The following DNAH7 variants were observed in gnomAD, a reference collection of about 807,000 sequenced individuals.
DNAH7 encodes the protein dynein axonemal heavy chain 7, also known as axonemal beta dynein heavy chain 7.
A neutral mutation model predicts 444.6 loss-of-function variants in DNAH7; 397 were observed. The ratio of observed to expected loss-of-function variants is 0.89; its 90% CI spans 0.82 to 0.97. DNAH7 has a LOEUF of 0.97. DNAH7 is among the 50% of genes least tolerant of loss of function. DNAH7 has a pLI of 0.00. For missense variants in DNAH7, 4,902 were observed against 4,800.8 expected (o/e 1.02, Z -0.62); for synonymous variants, 1,636 against 1,624.4 (o/e 1.01, Z -0.17).
At chr2:195,957,662 T>C (rs1324822010) in intron 18 of DNAH7, among the ~76,000 whole-genome samples, 1 of 151,414 alleles carries the variant, frequency 6.6e-6, no homozygotes, top group Non-Finnish European at 1.5e-5. Context: ...TTATATACAA[T>C]CTTGTATATA....
intron 63 of DNAH7, among the ~76,000 whole-genome samples, chr2:195,743,917 A>T (rs1392619119): frequency 6.6e-6 from 1 of 152,240 alleles, no homozygotes; most frequent in Non-Finnish European, 1.5e-5. Context: ...TCCAGTCTAC[A>T]GCTCCCAGCA....
In DNAH7 at chr2:195,848,590, C is replaced by A. The variant is rs562240442; in HGVS notation, c.8782-3425G>T. Reference sequence around the variant, plus strand: ...ACACTCAGATAAATGAAAGGCAGAACTCTGTTAGTTATAGCTCCAAATGGA... The same window carrying A: ...ACACTCAGATAAATGAAAGGCAGAAATCTGTTAGTTATAGCTCCAAATGGA... On this transcript the variant is annotated intron_variant, in intron 46 of 64. Coordinates refer to ENST00000312428, the MANE Select transcript of DNAH7 (RefSeq NM_018897.3). Among the ~76,000 whole-genome samples the A allele has an allele frequency of 3.9e-5, 6 of 152,346 alleles. No homozygotes were observed. In the South Asian group the frequency reaches 6.2e-4, roughly 16 times the overall value.
rs771038430 is a variant in DNAH7, at chr2:195,834,186, TTA to T, written c.9100+18_9100+19del. On this transcript the variant is annotated intron_variant, in intron 48 of 64. Transcript: ENST00000312428. ...TCTCCAGGCAGTTCTGTAATGTATC[TTA>T]GTTATTCAACTACATACCAGGAGTA... 1.9e-6 allele frequency: 3 copies of T among 1,595,054 alleles called. No homozygotes were observed. In the East Asian group the frequency reaches 6.8e-5, roughly 36 times the overall value.
intron 24 of DNAH7, among the ~76,000 whole-genome samples, chr2:195,919,784 G>A (rs1687913766): frequency 6.6e-6 from 1 of 152,236 alleles, no homozygotes; most frequent in South Asian, 2.1e-4. Context: ...AGATGACTGG[G>A]TTGATAAATA....
chr2:195,897,676 TG>T lies in DNAH7; in HGVS notation c.4637del (p.Pro1546HisfsTer14). The T allele has an allele frequency of 1.3e-6, 2 of 1,571,156 alleles. No individual in the cohort carries two copies. The highest frequency in any genetic ancestry group is 1.7e-6 in the Non-Finnish European group (2 of 1,148,856). On this transcript the variant is annotated frameshift_variant, in exon 29 of 65. Transcript: ENST00000312428. LOFTEE classifies it high-confidence loss of function. ...TAATGAATGTTCTTACCTCAAAGAG[TG>T]GTAAATCATGGGATAAAAATTTTGG... is the stretch of plus-strand genomic sequence containing the variant. Reference protein sequence around the residue: ...NLPKFLSHDLPLFEGITSDLF... With the variant: ...NLPKFLSHDLXLFEGITSDLF...
chr2:196,059,525 A>G (rs991790550), intron 1 of DNAH7, among the ~76,000 whole-genome samples: 2 of 152,166 alleles, frequency 1.3e-5, no homozygotes, highest in African/African-American at 4.8e-5. Flanking sequence ...GCCAAGAAGC[A>G]CTGTAAGAGG....
chr2:196,067,906 G>T lies in DNAH7; in HGVS notation c.15+791C>A, dbSNP rs372869199. 1.2e-4 allele frequency among the ~76,000 whole-genome samples: 18 copies of T among 152,240 alleles called. No individual in the cohort carries two copies. In the East Asian group the frequency reaches 3.5e-3, roughly 29 times the overall value. ...GAAAGCTAGAGTTATTTTCTAGCTA[G>T]CCAGAATAATGACCACGTTTAATAT... On this transcript the variant is annotated intron_variant, in intron 1 of 64. Transcript: ENST00000312428.
rs73058223 is a variant in DNAH7, at chr2:195,756,046, G to A, written c.11586+87C>T. On this transcript the variant is annotated intron_variant, in intron 62 of 64. Coordinates refer to ENST00000312428, the MANE Select transcript of DNAH7 (RefSeq NM_018897.3). ...GCCTGGGATGCACAGAAAAACTAGA[G>A]AGTAATACTCATTACATTAAGCATT... is the stretch of plus-strand genomic sequence containing the variant. 3,869 of 1,374,814 alleles carry A rather than the reference G, an allele frequency of 2.8e-3. 97 individuals are homozygous for A. The African/African-American group carries it at 0.05, about 18-fold the overall frequency. 85.2% of individuals were successfully genotyped at this position (1,374,814 alleles called of 1,614,324 possible).
intron 44 of DNAH7, among the ~76,000 whole-genome samples, chr2:195,856,882 A>C (rs1699745490): frequency 1.3e-5 from 2 of 152,134 alleles, no homozygotes; most frequent in South Asian, 4.1e-4. Context: ...ATGAATGAAG[A>C]AGCAGATTTT....
At chr2:195,756,868 T>C (rs1288310609) in intron 61 of DNAH7, among the ~76,000 whole-genome samples, 1 of 151,902 alleles carries the variant, frequency 6.6e-6, no homozygotes, top group Non-Finnish European at 1.5e-5. Context: ...GGTGCACGCC[T>C]GTAGTCCCAG....
chr2:195,858,697 T>A lies in DNAH7; in HGVS notation c.7844A>T (p.Gln2615Leu). The A allele has an allele frequency of 6.2e-7, 1 of 1,614,086 alleles. No homozygotes were observed. Among genetic ancestry groups the A allele is most frequent in the Non-Finnish European group, 8.5e-7 (1 of 1,179,960 alleles). Residue 2615 changes from glutamine to leucine, a missense_variant, in exon 43 of 65, where the codon CAA (glutamine) becomes CTA (leucine). Gln to Leu is a moderately radical substitution (Grantham distance 113, BLOSUM62 -2). Transcript: ENST00000312428. ...MQMELEALHP[Q>L]LKVASKEVDE... ...AACCTCTTTGCTAGCAACTTTTAAT[T>A]GAGGATGTAGTGCCTCCAACTCCAT...
chr2:195,790,568 T>C lies in DNAH7; in HGVS notation c.10717-3397A>G, dbSNP rs184245035. On this transcript the variant is annotated intron_variant, in intron 57 of 64. Coordinates refer to ENST00000312428, the MANE Select transcript of DNAH7 (RefSeq NM_018897.3). ...TACAGCCATCTGCTCTTTGACAAAGTTGACAAAAATAAGCAATGGAGAAAA... is the reference window on the plus strand; with the variant it reads ...TACAGCCATCTGCTCTTTGACAAAGCTGACAAAAATAAGCAATGGAGAAAA... 1.7e-4 allele frequency among the ~76,000 whole-genome samples: 26 copies of C among 151,640 alleles called. 1 individual carries two copies. In the East Asian group the frequency reaches 4.3e-3, roughly 25 times the overall value.
chr2:195,914,630 C>A (rs1429781799), intron 24 of DNAH7, among the ~76,000 whole-genome samples: 1 of 152,194 alleles, frequency 6.6e-6, no homozygotes, highest in East Asian at 1.9e-4. Flanking sequence ...TAAGCACTAT[C>A]CTCTATCTGA....
intron 31 of DNAH7, among the ~76,000 whole-genome samples, chr2:195,889,816 AC>A (rs1348205278): frequency 2.0e-5 from 3 of 152,206 alleles, no homozygotes; most frequent in Admixed American, 6.5e-5. Context: ...ACACATACAT[AC>A]ACGTATACAC....
Position 195,864,727 on chromosome 2 carries a change from G to GT in DNAH7, c.6927dup (p.Pro2310ThrfsTer50), listed in dbSNP as rs747230864. ...AATCGAAACAAGACAAGGTTCATGG[G>GT]TTTTTTGCTTATATTGTTGTATTCT... On this transcript the variant is annotated frameshift_variant, in exon 41 of 65. Transcript: ENST00000312428. LOFTEE classifies it high-confidence loss of function. The GT allele has an allele frequency of 6.2e-7, 1 of 1,614,136 alleles. No individual in the cohort carries two copies. Among genetic ancestry groups the GT allele is most frequent in the South Asian group, 1.1e-5 (1 of 91,076 alleles).
intron 10 of DNAH7, among the ~76,000 whole-genome samples, chr2:196,004,961 T>TC (rs1694270267): frequency 1.4e-5 from 1 of 69,326 alleles, no homozygotes; most frequent in African/African-American, 7.9e-5. Flanking sequence ...AGGCCTTGTG[T>TC]CAAAAAAAAA....
intron 58 of DNAH7, 55 bp from the exon 59 acceptor site, chr2:195,778,040 TG>T (rs879446327): frequency 9.4e-5 from 132 of 1,400,494 alleles, no homozygotes; most frequent in Non-Finnish European, 1.2e-4. Context: ...TACAGAATCG[TG>T]TTTCTTGTTT....
chr2:196,027,991 G>C lies in DNAH7; in HGVS notation c.455C>G (p.Pro152Arg). 6.2e-7 allele frequency: 1 copy of C among 1,611,896 alleles called. No individual in the cohort carries two copies. Among genetic ancestry groups the C allele is most frequent in the Non-Finnish European group, 8.5e-7 (1 of 1,178,766 alleles). Residue 152 changes from proline to arginine, a missense_variant, in exon 6 of 65, where the codon CCG (proline) becomes CGG (arginine). Coordinates refer to ENST00000312428, the MANE Select transcript of DNAH7 (RefSeq NM_018897.3). ...GTCTTTCTCTATAGCAGAAGCGGTCGGTTTTGGAATTGTGCTTCCATCAGG... is the reference window on the plus strand; with the variant it reads ...GTCTTTCTCTATAGCAGAAGCGGTCCGTTTTGGAATTGTGCTTCCATCAGG... ...AVPDGSTIPK[P>R]TASAIEKDIL... is the part of the protein sequence containing the mutation.
At chr2:195,942,551 G>A (rs1207371257) in intron 19 of DNAH7, among the ~76,000 whole-genome samples, 1 of 152,054 alleles carries the variant, frequency 6.6e-6, no homozygotes, top group Non-Finnish European at 1.5e-5. Flanking sequence ...TAAAGACAGA[G>A]AGGTAAAAGC....
Sources: gnomAD v4.1 joint callset for allele counts (sites outside exome capture counted in the v4.1 genomes callset) on GRCh38, gnomAD v4.1.1 for gene constraint, MANE v1.5 for transcripts, NCBI Gene and HGNC (gene_info 2026-07-23, HGNC 2026-07-21) for gene names.